The following ADAMTS3 variants were observed in gnomAD, a reference collection of about 807,000 sequenced individuals.
ADAMTS3 encodes the protein ADAM metallopeptidase with thrombospondin type 1 motif 3.
Under a neutral mutation model 129.0 loss-of-function variants are expected in ADAMTS3, and 73 were observed. The observed-to-expected ratio is 0.57, with a 90% CI of 0.47 to 0.69. The LOEUF (loss-of-function observed/expected upper bound fraction) is 0.69, where lower values mean the gene tolerates loss of function less well. ADAMTS3 is among the 30% of genes least tolerant of loss of function. The probability of loss-of-function intolerance (pLI) is 0.00; values close to 1 mark genes in which losing one functional copy is unlikely to be tolerated. For missense variants in ADAMTS3, 1,457 were observed against 1,514.5 expected (o/e 0.96, Z 0.63); for synonymous variants, 477 against 510.8 (o/e 0.93, Z 0.89).
chr4:72,476,286 T>C (rs910925949), intron 3 of ADAMTS3, among the ~76,000 whole-genome samples: 1 of 151,936 alleles, frequency 6.6e-6, no homozygotes, highest in Non-Finnish European at 1.5e-5. Context: ...ATGAAATAGA[T>C]TCATTCAAGA....
intron 2 of ADAMTS3, among the ~76,000 whole-genome samples, chr4:72,561,632 A>C (rs1040691112): frequency 6.6e-6 from 1 of 152,270 alleles, no homozygotes; most frequent in Non-Finnish European, 1.5e-5. Flanking sequence ...ATCTAAATAA[A>C]AATATACTTA....
chr4:72,556,794 T>A (rs1721779384), intron 2 of ADAMTS3, among the ~76,000 whole-genome samples: 1 of 151,776 alleles, frequency 6.6e-6, no homozygotes, highest in Non-Finnish European at 1.5e-5. Flanking sequence ...ACTTGGTCCA[T>A]CTAATAACAC....
chr4:72,522,712 A>G (rs1720705814), intron 3 of ADAMTS3, among the ~76,000 whole-genome samples: 1 of 152,210 alleles, frequency 6.6e-6, no homozygotes, highest in African/African-American at 2.4e-5. Flanking sequence ...ACCTTGTATA[A>G]CAGCTTTATA....
intron 5 of ADAMTS3, among the ~76,000 whole-genome samples, chr4:72,330,231 C>A (rs968344100): frequency 2.0e-4 from 30 of 152,186 alleles, no homozygotes; most frequent in African/African-American, 7.0e-4. Flanking sequence ...GTTGGCCAGG[C>A]TGGTCTCGAA....
chr4:72,294,376 A>C (rs1453971719), intron 19 of ADAMTS3, among the ~76,000 whole-genome samples: 1 of 152,092 alleles, frequency 6.6e-6, no homozygotes, highest in Non-Finnish European at 1.5e-5. Context: ...TTTGAGATCT[A>C]CTGAACAGCA....
chr4:72,468,104 T>A (rs186451830), intron 3 of ADAMTS3, among the ~76,000 whole-genome samples: 38 of 152,142 alleles, frequency 2.5e-4, no homozygotes, highest in Non-Finnish European at 4.6e-4. Flanking sequence ...GAAAAAAAAA[T>A]TTCTTTAAGT....
intron 3 of ADAMTS3, among the ~76,000 whole-genome samples, chr4:72,492,931 C>A (rs2110016512): frequency 6.6e-6 from 1 of 151,984 alleles, no homozygotes. Flanking sequence ...ATACTTATAA[C>A]TGTTATAACT....
intron 4 of ADAMTS3, among the ~76,000 whole-genome samples, chr4:72,368,575 T>C (rs1235022149): frequency 6.6e-6 from 1 of 152,198 alleles, no homozygotes; most frequent in Non-Finnish European, 1.5e-5. Flanking sequence ...TTTTGAAGAA[T>C]ACAGGTATGC....
chr4:72,358,637 T>A (rs1383457275), intron 4 of ADAMTS3, among the ~76,000 whole-genome samples: 1 of 152,058 alleles, frequency 6.6e-6, no homozygotes, highest in Admixed American at 6.6e-5. Context: ...ATCTTTTATC[T>A]GCCATCTAGA....
intron 4 of ADAMTS3, among the ~76,000 whole-genome samples, chr4:72,365,259 T>C (rs1412774862): frequency 6.6e-6 from 1 of 152,220 alleles, no homozygotes; most frequent in Non-Finnish European, 1.5e-5. Flanking sequence ...TGAGCAGACA[T>C]TTCCAGCATG....
chr4:72,286,746 G>A lies in ADAMTS3; in HGVS notation c.3049+2005C>T, dbSNP rs913509170. On this transcript the variant is annotated intron_variant, in intron 21 of 21. Coordinates refer to ENST00000286657, the MANE Select transcript of ADAMTS3 (RefSeq NM_014243.3). Reference sequence around the variant, plus strand: ...TTAAGAGAAGGGTTGTGGTGGATGGGGATGGGTGGGCTAGGAAAACAAGGC... The same window carrying A: ...TTAAGAGAAGGGTTGTGGTGGATGGAGATGGGTGGGCTAGGAAAACAAGGC... 4.5e-4 allele frequency among the ~76,000 whole-genome samples: 69 copies of A among 152,086 alleles called. 2 individuals carry two copies.
rs745744974 is a variant in ADAMTS3, at chr4:72,548,506, G to A, written c.476C>T (p.Ser159Phe). 1 of 1,613,828 alleles carries A rather than the reference G, an allele frequency of 6.2e-7. No individual in the cohort carries two copies. ...ACCATCACAGTTGCTGATGGCAACA[G>A]AGGTTCCTGGAATGTCCACGATGTC... Reference protein sequence around the residue: ...VGDIVDIPGTSVAISNCDGLA... With the variant: ...VGDIVDIPGTFVAISNCDGLA... Residue 159 changes from serine to phenylalanine, a missense_variant, in exon 3 of 22, where the codon TCT (serine) becomes TTT (phenylalanine). Physicochemically the swap from Ser to Phe is radical, Grantham distance 155. Coordinates refer to ENST00000286657, the MANE Select transcript of ADAMTS3 (RefSeq NM_014243.3).
chr4:72,355,041 G>A (rs562978432), intron 4 of ADAMTS3, among the ~76,000 whole-genome samples: 1 of 151,856 alleles, frequency 6.6e-6, no homozygotes, highest in East Asian at 1.9e-4. Flanking sequence ...TTTGGCATTG[G>A]CCAAACATTT....
At chr4:72,483,126 C>T (rs1719484049) in intron 3 of ADAMTS3, among the ~76,000 whole-genome samples, 1 of 151,556 alleles carries the variant, frequency 6.6e-6, no homozygotes, top group African/African-American at 2.4e-5. Context: ...TTTTTTTCAA[C>T]ATTTCATTTC....
intron 2 of ADAMTS3, among the ~76,000 whole-genome samples, chr4:72,556,107 A>G (rs1424706639): frequency 2.0e-5 from 3 of 151,760 alleles, no homozygotes; most frequent in African/African-American, 7.3e-5. Flanking sequence ...ACTAATACAT[A>G]GCCTTAGTGT....
intron 3 of ADAMTS3, among the ~76,000 whole-genome samples, chr4:72,461,951 C>T (rs900069868): frequency 2.0e-5 from 3 of 151,832 alleles, no homozygotes; most frequent in African/African-American, 7.2e-5. Flanking sequence ...CCTTTCATTA[C>T]TAGTTCAGTC....
At chr4:72,294,142 A>G (rs1378892482) in intron 19 of ADAMTS3, among the ~76,000 whole-genome samples, 1 of 152,116 alleles carries the variant, frequency 6.6e-6, no homozygotes, top group African/African-American at 2.4e-5. Flanking sequence ...CACAACATAG[A>G]TGAAACTGGA....
chr4:72,416,155 T>A (rs1343402550), intron 3 of ADAMTS3, among the ~76,000 whole-genome samples: 1 of 35,444 alleles, frequency 2.8e-5, no homozygotes, highest in East Asian at 5.9e-4. Context: ...AAAGAGCATA[T>A]GTTTTCAGCA....
Position 72,486,137 on chromosome 4 carries a change from C to T in ADAMTS3, c.504+62341G>A, listed in dbSNP as rs375054153. On this transcript the variant is annotated intron_variant, in intron 3 of 21. Coordinates refer to ENST00000286657, the MANE Select transcript of ADAMTS3 (RefSeq NM_014243.3). ...ATATAGTAGTAGACTTACATGTTAT[C>T]TTAGTTAAACCAGACTGAAAAACTT... Among the ~76,000 whole-genome samples the T allele has an allele frequency of 2.0e-5, 3 of 152,284 alleles. No individual in the cohort carries two copies. In the South Asian group the frequency reaches 6.2e-4, roughly 32 times the overall value.
Sources: gnomAD v4.1 joint callset for allele counts (sites outside exome capture counted in the v4.1 genomes callset) on GRCh38, gnomAD v4.1.1 for gene constraint, MANE v1.5 for transcripts, NCBI Gene and HGNC (gene_info 2026-07-23, HGNC 2026-07-21) for gene names.